PALLD: variants seen among roughly 807,000 people sequenced by gnomAD.
The protein encoded by PALLD is palladin, cytoskeletal associated protein.
PALLD carries 61 observed loss-of-function variants against 123.5 expected under a neutral mutation model. The ratio of observed to expected loss-of-function variants is 0.49; its 90% CI spans 0.40 to 0.61. The LOEUF is 0.61. Among genes scored for constraint, PALLD ranks in the 20% least tolerant of loss-of-function variants. The probability of loss-of-function intolerance (pLI) is 0.00; values close to 1 mark genes in which losing one functional copy is unlikely to be tolerated. For missense variants in PALLD, 1,273 were observed against 1,377.0 expected (o/e 0.92, Z 1.20); for synonymous variants, 465 against 496.4 (o/e 0.94, Z 0.84).
At chr4:168,730,994 G>A (rs1787117344) in intron 10 of PALLD, among the ~76,000 whole-genome samples, 1 of 152,060 alleles carries the variant, frequency 6.6e-6, no homozygotes, top group Non-Finnish European at 1.5e-5. Context: ...ACAAGAAATG[G>A]GGGAAGGGAT....
At chr4:168,874,544 A>G (rs148803992) in intron 10 of PALLD, among the ~76,000 whole-genome samples, 526 of 152,338 alleles carry the variant, frequency 3.5e-3, no homozygotes, top group African/African-American at 0.012. Flanking sequence ...TTAAATATGT[A>G]TTTAAAACCT....
intron 10 of PALLD, among the ~76,000 whole-genome samples, chr4:168,876,747 T>G (rs921863997): frequency 2.0e-5 from 3 of 152,244 alleles, no homozygotes; most frequent in African/African-American, 7.2e-5. Flanking sequence ...TGATTTTTAG[T>G]TTTAAAACGT....
chr4:168,857,693 C>T (rs935745548), intron 10 of PALLD, among the ~76,000 whole-genome samples: 49 of 152,172 alleles, frequency 3.2e-4, no homozygotes, highest in African/African-American at 1.2e-3. Context: ...TAAGAGGAAA[C>T]TCAAGTGTGT....
chr4:168,615,110 C>T (rs1389640808), intron 2 of PALLD, among the ~76,000 whole-genome samples: 3 of 150,774 alleles, frequency 2.0e-5, no homozygotes, highest in Admixed American at 2.0e-4. Context: ...ATATTTCTTG[C>T]AATGCATTTT....
Position 168,891,787 on chromosome 4 carries a change from G to A in PALLD, c.2100+730G>A, listed in dbSNP as rs117076398. Among the ~76,000 whole-genome samples the A allele has an allele frequency of 4.8e-3, 737 of 151,964 alleles. 7 individuals carry two copies. Among genetic ancestry groups the A allele is most frequent in the Admixed American group, 5.5e-3 (84 of 15,272 alleles). On this transcript the variant is annotated intron_variant, in intron 11 of 21. Coordinates refer to ENST00000505667, the MANE Select transcript of PALLD (RefSeq NM_001166108.2). Reference sequence around the variant, plus strand: ...TGGTTTGTATCTACCCAGAAACAGCGAACTGCAATGAAAGTATCAAAAAGA... The same window carrying A: ...TGGTTTGTATCTACCCAGAAACAGCAAACTGCAATGAAAGTATCAAAAAGA...
chr4:168,681,866 A>G (rs1781587347), intron 4 of PALLD, among the ~76,000 whole-genome samples: 1 of 152,168 alleles, frequency 6.6e-6, no homozygotes, highest in African/African-American at 2.4e-5. Context: ...CACAATTTTT[A>G]ACTTGTAAAT....
chr4:168,858,961 G>A (rs1202994625), intron 10 of PALLD, among the ~76,000 whole-genome samples: 1 of 152,140 alleles, frequency 6.6e-6, no homozygotes, highest in South Asian at 2.1e-4. Flanking sequence ...AATAGTCGGT[G>A]CGTCTTAAGA....
intron 8 of PALLD, among the ~76,000 whole-genome samples, chr4:168,701,096 C>T (rs1048110167): frequency 6.6e-6 from 1 of 152,078 alleles, no homozygotes; most frequent in African/African-American, 2.4e-5. Context: ...AGTTTACCAT[C>T]CTAAAATTGC....
intron 2 of PALLD, among the ~76,000 whole-genome samples, chr4:168,521,557 TTTA>T (rs1376698119): frequency 6.6e-6 from 1 of 152,242 alleles, no homozygotes. Context: ...ACTTTTATAG[TTTA>T]TTGTTATTGA....
chr4:168,592,164 G>A (rs754036280), intron 2 of PALLD, among the ~76,000 whole-genome samples: 32 of 151,936 alleles, frequency 2.1e-4, no homozygotes, highest in Middle Eastern at 3.4e-3. Context: ...TTACAGGTGC[G>A]CACCACCACG....
rs371762141 is a variant in PALLD, at chr4:168,682,248, GTC to G, written c.1155-748_1155-747del. The stretch of plus-strand genomic sequence containing the variant: ...TTATGGAAAAGTCCATAAATATTGA[GTC>G]TGTTCTAATAAATTTCTTTTATCTG... On this transcript the variant is annotated intron_variant, in intron 4 of 21. Transcript: ENST00000505667. Among the ~76,000 whole-genome samples the G allele has an allele frequency of 2.3e-3, 345 of 152,224 alleles. 4 individuals are homozygous for G. The highest frequency in any genetic ancestry group is 8.0e-3 in the African/African-American group (333 of 41,518).
At chr4:168,691,548 T>C (rs1022528440) in intron 8 of PALLD, among the ~76,000 whole-genome samples, 1 of 152,192 alleles carries the variant, frequency 6.6e-6, no homozygotes, top group Non-Finnish European at 1.5e-5. Flanking sequence ...AGTGACTTCA[T>C]GCTTTTTAAA....
intron 10 of PALLD, among the ~76,000 whole-genome samples, chr4:168,882,483 C>T (rs1752740798): frequency 6.6e-6 from 1 of 152,164 alleles, no homozygotes; most frequent in South Asian, 2.1e-4. Context: ...GCATTTTCAC[C>T]AGTTTTCAAG....
At chr4:168,649,504 C>T (rs555102564) in intron 2 of PALLD, among the ~76,000 whole-genome samples, 1 of 152,296 alleles carries the variant, frequency 6.6e-6, no homozygotes, top group Non-Finnish European at 1.5e-5. Flanking sequence ...CATTAGTTGC[C>T]TGCATCCCAA....
intron 2 of PALLD, among the ~76,000 whole-genome samples, chr4:168,546,706 C>T (rs182587241): frequency 2.0e-5 from 3 of 152,310 alleles, no homozygotes; most frequent in Non-Finnish European, 2.9e-5. Context: ...TATAATCAAA[C>T]ATCGGTTTGT....
At chr4:168,829,491 C>T (rs1308507857) in intron 10 of PALLD, among the ~76,000 whole-genome samples, 1 of 152,160 alleles carries the variant, frequency 6.6e-6, no homozygotes, top group Non-Finnish European at 1.5e-5. Context: ...TGAAAGGACT[C>T]CTAAATCATA....
chr4:168,657,584 T>C (rs1778705202), intron 2 of PALLD, among the ~76,000 whole-genome samples: 1 of 152,182 alleles, frequency 6.6e-6, no homozygotes, highest in East Asian at 1.9e-4. Context: ...TTCCTTTTAA[T>C]GAAAAGCAGC....
chr4:168,783,016 A>G (rs1422863148), intron 10 of PALLD, among the ~76,000 whole-genome samples: 1 of 151,462 alleles, frequency 6.6e-6, no homozygotes, highest in African/African-American at 2.4e-5. Flanking sequence ...TAAAGAAAAC[A>G]GCATTTCTAC....
chr4:168,564,944 C>A (rs954832238), intron 2 of PALLD, among the ~76,000 whole-genome samples: 2 of 150,858 alleles, frequency 1.3e-5, no homozygotes, highest in African/African-American at 4.9e-5. Context: ...GTAATCCCAG[C>A]ACTTTGGGAG....
Sources: gnomAD v4.1 joint callset for allele counts (sites outside exome capture counted in the v4.1 genomes callset) on GRCh38, gnomAD v4.1.1 for gene constraint, MANE v1.5 for transcripts, NCBI Gene and HGNC (gene_info 2026-07-23, HGNC 2026-07-21) for gene names.